Variants in NYAP2 observed in about 807,000 individuals in gnomAD.
The protein encoded by NYAP2 is neuronal tyrosine-phosphorylated phosphoinositide-3-kinase adaptor 2, also known as neuronal tyrosine-phosphorylated phosphoinositide-3-kinase adapter 2.
Under a neutral mutation model 50.4 loss-of-function variants are expected in NYAP2, and 23 were observed. That is an observed-to-expected ratio of 0.46 (90% CI 0.33 to 0.65). The LOEUF (loss-of-function observed/expected upper bound fraction) is 0.65. Ranked by LOEUF, NYAP2 falls within the 30% of genes least tolerant of loss-of-function variation. NYAP2 has a pLI of 0.02. For missense variants in NYAP2, 885 were observed against 861.0 expected (o/e 1.03, Z -0.35); for synonymous variants, 394 against 365.2 (o/e 1.08, Z -0.90).
At chr2:225,512,850 TTTC>T (rs1690852140) in intron 3 of NYAP2, among the ~76,000 whole-genome samples, 1 of 130,518 alleles carries the variant, frequency 7.7e-6, no homozygotes, top group Admixed American at 7.9e-5. Context: ...TCTTTCTTTC[TTTC>T]TTCCTTCCTT....
chr2:225,600,701 A>G (rs886638400), intron 5 of NYAP2, among the ~76,000 whole-genome samples: 3 of 152,292 alleles, frequency 2.0e-5, no homozygotes, highest in Middle Eastern at 6.8e-3. Flanking sequence ...ATTCTTCCCA[A>G]CTAAAACTCC....
intron 6 of NYAP2, among the ~76,000 whole-genome samples, chr2:225,636,358 A>C (rs1693414644): frequency 6.6e-6 from 1 of 152,126 alleles, no homozygotes; most frequent in South Asian, 2.1e-4. Flanking sequence ...ATAATTTCTA[A>C]GCTGTGTCTT....
the NYAP2 span, among the ~76,000 whole-genome samples, chr2:225,672,074 A>C: frequency 6.6e-6 from 1 of 152,090 alleles, no homozygotes; most frequent in Non-Finnish European, 1.5e-5. Context: ...GTAAATGAGC[A>C]TTGGCTTCAA....
chr2:225,635,420 T>C (rs1693396488), intron 6 of NYAP2, among the ~76,000 whole-genome samples: 2 of 152,200 alleles, frequency 1.3e-5, no homozygotes, highest in Admixed American at 1.3e-4. Context: ...TAGGTTATGA[T>C]GAAGATTAAA....
intron 3 of NYAP2, among the ~76,000 whole-genome samples, chr2:225,481,803 T>C (rs912420485): frequency 1.3e-5 from 2 of 152,126 alleles, no homozygotes; most frequent in Non-Finnish European, 2.9e-5. Flanking sequence ...TTATCATTTA[T>C]TCAATAAATA....
chr2:225,517,704 G>C (rs968115949), intron 4 of NYAP2, among the ~76,000 whole-genome samples: 2 of 152,046 alleles, frequency 1.3e-5, no homozygotes, highest in African/African-American at 4.8e-5. Flanking sequence ...CTTCTAATAG[G>C]CCTGAATAAC....
chr2:225,626,631 A>C (rs1438937148), intron 5 of NYAP2, among the ~76,000 whole-genome samples: 3 of 152,178 alleles, frequency 2.0e-5, no homozygotes, highest in Non-Finnish European at 4.4e-5. Context: ...AGTGTTCTTA[A>C]ATAAGTGTAC....
intron 3 of NYAP2, among the ~76,000 whole-genome samples, chr2:225,478,327 A>C (rs888824398): frequency 1.7e-4 from 26 of 152,150 alleles, no homozygotes; most frequent in African/African-American, 6.3e-4. Context: ...ACAGGAATCC[A>C]GGAAGAAGAA....
At chr2:225,618,215 A>T (rs894528030) in intron 5 of NYAP2, among the ~76,000 whole-genome samples, 1 of 152,218 alleles carries the variant, frequency 6.6e-6, no homozygotes, top group Admixed American at 6.5e-5. Flanking sequence ...GACTGCTGGA[A>T]TTAAAACCAA....
chr2:225,607,790 C>T (rs1692814100), intron 5 of NYAP2, among the ~76,000 whole-genome samples: 1 of 152,048 alleles, frequency 6.6e-6, no homozygotes, highest in Admixed American at 6.6e-5. Context: ...TAAAAGCACA[C>T]CATTGCCATT....
intron 5 of NYAP2, among the ~76,000 whole-genome samples, chr2:225,607,693 A>T (rs1453085488): frequency 2.2e-4 from 3 of 13,680 alleles, no homozygotes; most frequent in East Asian, 1.9e-3. Flanking sequence ...GATTTTTATC[A>T]GTTGTTTATC....
Position 225,599,212 on chromosome 2 carries a change from T to A in NYAP2, c.1618+16177T>A, listed in dbSNP as rs551866590. 3.3e-5 allele frequency among the ~76,000 whole-genome samples: 5 copies of A among 152,290 alleles called. No individual in the cohort carries two copies. The East Asian group carries it at 9.7e-4, about 29-fold the overall frequency. ...TGTGAGATGCTGTGTCAGCTGCACA[T>A]GTAATGGTTTCCAGTTAACAGGAAC... On this transcript the variant is annotated intron_variant, in intron 5 of 6. Transcript: ENST00000636099.
At chr2:225,476,780 A>G (rs1320214048) in intron 3 of NYAP2, among the ~76,000 whole-genome samples, 2 of 152,246 alleles carry the variant, frequency 1.3e-5, no homozygotes, top group East Asian at 1.9e-4. Flanking sequence ...CCATACAGAT[A>G]CAATAGACCT....
chr2:225,533,230 T>C (rs1425739904), intron 4 of NYAP2, among the ~76,000 whole-genome samples: 5 of 152,230 alleles, frequency 3.3e-5, no homozygotes, highest in Admixed American at 2.6e-4. Flanking sequence ...AAAAATGCTC[T>C]TATGTCTCCA....
chr2:225,618,014 AAAC>A (rs916859236), intron 5 of NYAP2, among the ~76,000 whole-genome samples: 50 of 152,336 alleles, frequency 3.3e-4, no homozygotes, highest in African/African-American at 1.2e-3. Flanking sequence ...CAAGATATAT[AAAC>A]AACAACTGTG....
At chr2:225,678,682 T>C in the NYAP2 span, among the ~76,000 whole-genome samples, 1 of 152,160 alleles carries the variant, frequency 6.6e-6, no homozygotes, top group African/African-American at 2.4e-5. Context: ...TTACATATAC[T>C]TGAATTGCAT....
At chr2:225,689,300 A>C in the NYAP2 span, among the ~76,000 whole-genome samples, 53 of 152,322 alleles carry the variant, frequency 3.5e-4, no homozygotes, top group African/African-American at 1.3e-3. Context: ...ATAATCACGT[A>C]ACTGTCTTAT....
intron 4 of NYAP2, among the ~76,000 whole-genome samples, chr2:225,541,927 A>G (rs1241990075): frequency 1.3e-5 from 2 of 152,128 alleles, no homozygotes; most frequent in African/African-American, 4.8e-5. Context: ...TGAACATGGA[A>G]TATTTTTCAA....
intron 3 of NYAP2, among the ~76,000 whole-genome samples, chr2:225,452,226 C>CT (rs1689665241): frequency 6.6e-6 from 1 of 152,132 alleles, no homozygotes; most frequent in African/African-American, 2.4e-5. Context: ...CTTCATATCT[C>CT]TTTTTAAAAT....
Sources: gnomAD v4.1 joint callset for allele counts (sites outside exome capture counted in the v4.1 genomes callset) on GRCh38, gnomAD v4.1.1 for gene constraint, MANE v1.5 for transcripts, NCBI Gene and HGNC (gene_info 2026-07-23, HGNC 2026-07-21) for gene names.